Variants in DAB1 observed in about 807,000 individuals in gnomAD.
DAB1 encodes DAB adaptor protein 1, also known as disabled homolog 1.
In DAB1, 15 loss-of-function variants were observed where a neutral mutation model predicts 64.6. The ratio of observed to expected loss-of-function variants is 0.23; its 90% CI spans 0.16 to 0.36. DAB1 has a LOEUF of 0.36. DAB1 is among the 10% of genes least tolerant of loss of function. DAB1 has a pLI of 1.00. For synonymous variants in DAB1, 235 were observed against 251.9 expected, an observed-to-expected ratio of 0.93 and a Z score of 0.64; for missense variants, 596 against 706.7, an observed-to-expected ratio of 0.84 and a Z score of 1.78.
intron 2 of DAB1, among the ~76,000 whole-genome samples, chr1:57,278,760 G>A (rs908186266): frequency 2.0e-5 from 3 of 152,172 alleles, no homozygotes; most frequent in African/African-American, 7.2e-5. Context: ...ATTGCGCAAG[G>A]TGTTTAGAAG....
At chr1:58,300,912 T>C (rs1406257346) in intron 4 of DAB1, among the ~76,000 whole-genome samples, 1 of 151,950 alleles carries the variant, frequency 6.6e-6, no homozygotes, top group East Asian at 1.9e-4. Context: ...TGGACCTATG[T>C]TAGTGAAGAA....
At position 58,288,034 on chromosome 1, in the gene DAB1, A is replaced by AG. The variant is rs994984834; in HGVS notation, n.309+55317_309+55318insC. Among the ~76,000 whole-genome samples the AG allele has an allele frequency of 4.0e-4, 58 of 146,512 alleles. 1 individual carries two copies. Among genetic ancestry groups the AG allele is most frequent in the East Asian group, 1.7e-3 (8 of 4,782 alleles). On this transcript the variant is annotated intron_variant and non_coding_transcript_variant, in intron 4 of 20. Transcript: ENST00000485760. ...AAGACTGCCTCAAAAAAAAAAAAAAAAAAAAAAAAAAGAAAAAAAAGAGCA... is the reference window on the plus strand; with the variant it reads ...AAGACTGCCTCAAAAAAAAAAAAAAAGAAAAAAAAAAAGAAAAAAAAGAGCA...
chr1:57,047,489 C>A (rs1648660036), intron 9 of DAB1, among the ~76,000 whole-genome samples: 1 of 152,078 alleles, frequency 6.6e-6, no homozygotes, highest in Non-Finnish European at 1.5e-5. Flanking sequence ...CTCTCTTCCT[C>A]TCTCTGTTCC....
rs34001836 is a variant in DAB1 at position 57,374,981 on chromosome 1, C to A, written c.-137+48949G>T. Among the ~76,000 whole-genome samples the A allele has an allele frequency of 3.0e-3, 464 of 152,134 alleles. 3 individuals carry two copies. The highest frequency in any genetic ancestry group is 5.6e-3 in the Non-Finnish European group (383 of 68,008). On this transcript the variant is annotated intron_variant, in intron 1 of 14. Transcript: ENST00000371236. The stretch of plus-strand genomic sequence containing the variant: ...TCCTGCTATGACCTGCCATTCTGTC[C>A]CAGGATACAGGCTTCTGCCCAGTTC...
intron 1 of DAB1, among the ~76,000 whole-genome samples, chr1:57,418,650 G>C (rs1337961948): frequency 6.6e-6 from 1 of 152,072 alleles, no homozygotes; most frequent in Non-Finnish European, 1.5e-5. Flanking sequence ...CATTTTAGCT[G>C]TCATCTCTTC....
chr1:58,005,670 G>C (rs1016166861), intron 5 of DAB1, among the ~76,000 whole-genome samples: 4 of 148,094 alleles, frequency 2.7e-5, no homozygotes, highest in Non-Finnish European at 5.9e-5. Flanking sequence ...TACTGAACAA[G>C]ACATAAATAG....
intron 7 of DAB1, among the ~76,000 whole-genome samples, chr1:57,604,082 G>A (rs1558532716): frequency 6.6e-6 from 1 of 152,224 alleles, no homozygotes; most frequent in Admixed American, 6.5e-5. Flanking sequence ...GCTGCTTCCT[G>A]TCACCTCAAT....
At chr1:57,066,770 C>T (rs1570627729) in intron 8 of DAB1, among the ~76,000 whole-genome samples, 1 of 152,216 alleles carries the variant, frequency 6.6e-6, no homozygotes, top group Non-Finnish European at 1.5e-5. Flanking sequence ...CCTCGTTTTA[C>T]GTTTTCACAT....
intron 4 of DAB1, among the ~76,000 whole-genome samples, chr1:58,310,162 A>G (rs1662395347): frequency 6.6e-6 from 1 of 152,202 alleles, no homozygotes; most frequent in Non-Finnish European, 1.5e-5. Flanking sequence ...TCAGGAGTTT[A>G]GCATACAATT....
chr1:58,226,195 C>T (rs1659473043), intron 4 of DAB1, among the ~76,000 whole-genome samples: 1 of 152,154 alleles, frequency 6.6e-6, no homozygotes, highest in Non-Finnish European at 1.5e-5. Flanking sequence ...TATGTTGGGG[C>T]TTTCCTCAGA....
chr1:57,979,755 T>C (rs1453667309), intron 5 of DAB1, among the ~76,000 whole-genome samples: 1 of 152,128 alleles, frequency 6.6e-6, no homozygotes, highest in Non-Finnish European at 1.5e-5. Flanking sequence ...ATTTTACTCA[T>C]CTGTAAAATG....
At chr1:57,727,679 TTCTC>T (rs1455443387) in intron 6 of DAB1, among the ~76,000 whole-genome samples, 1 of 144,360 alleles carries the variant, frequency 6.9e-6, no homozygotes, top group Admixed American at 7.0e-5. Context: ...TCTTTCTCCT[TTCTC>T]TCTTTTTCTC....
At chr1:57,939,173 T>G (rs879330169) in intron 5 of DAB1, among the ~76,000 whole-genome samples, 2 of 152,114 alleles carry the variant, frequency 1.3e-5, no homozygotes, top group Non-Finnish European at 2.9e-5. Flanking sequence ...TTCTCTCATA[T>G]TCTCACATGG....
intron 7 of DAB1, among the ~76,000 whole-genome samples, chr1:57,502,334 A>G (rs924390252): frequency 1.3e-5 from 2 of 151,098 alleles, no homozygotes; most frequent in Non-Finnish European, 3.0e-5. Context: ...AAAAAAAAAA[A>G]AAAAGAAAGA....
At position 57,010,787 on chromosome 1, in the gene DAB1, C is replaced by A; in HGVS notation, c.1576G>T (p.Asp526Tyr). 1.3e-6 allele frequency: 2 copies of A among 1,556,412 alleles called. No individual in the cohort carries two copies. Among genetic ancestry groups the A allele is most frequent in the Non-Finnish European group, 1.7e-6 (2 of 1,151,332 alleles). Reference sequence around the variant, plus strand: ...CTGTTGGATGAGGCCTGTGATCCATCAGGCTAGAACACAAGAAGATAATAC... The same window carrying A: ...CTGTTGGATGAGGCCTGTGATCCATAAGGCTAGAACACAAGAAGATAATAC... ...PSKSEEQEAP[D>Y]GSQASSNSDP... Residue 526 changes from aspartate to tyrosine, a missense_variant, in exon 14 of 15, where the codon GAT (aspartate) becomes TAT (tyrosine). Asp to Tyr is a radical substitution (Grantham distance 160). This residue lies in a region of DAB1 where 377 missense variants were observed against 400.4 expected (regional missense o/e 0.94). Transcript: ENST00000371236.
chr1:57,358,206 T>C (rs1679277875), intron 1 of DAB1, among the ~76,000 whole-genome samples: 1 of 152,072 alleles, frequency 6.6e-6, no homozygotes, highest in African/African-American at 2.4e-5. Flanking sequence ...GTGGTGAAAG[T>C]GGGCATTCTT....
intron 6 of DAB1, among the ~76,000 whole-genome samples, chr1:57,730,392 T>C (rs1303978843): frequency 6.6e-6 from 1 of 152,188 alleles, no homozygotes; most frequent in East Asian, 1.9e-4. Context: ...AAATCTCCCA[T>C]TAAATCTCCT....
chr1:57,948,682 C>A (rs1645220175), intron 5 of DAB1, among the ~76,000 whole-genome samples: 1 of 152,216 alleles, frequency 6.6e-6, no homozygotes, highest in South Asian at 2.1e-4. Flanking sequence ...TGATGAGATT[C>A]AGTTCTGAAT....
intron 7 of DAB1, among the ~76,000 whole-genome samples, chr1:57,489,054 A>G (rs1039398531): frequency 3.3e-5 from 5 of 152,218 alleles, no homozygotes; most frequent in African/African-American, 1.2e-4. Flanking sequence ...TTTGGAATCA[A>G]TCTGGGCAAA....
Sources: allele counts gnomAD v4.1 joint callset (sites outside exome capture counted in the v4.1 genomes callset), GRCh38; gene constraint gnomAD v4.1.1; regional missense constraint gnomAD v4.1.1; transcripts MANE v1.5; gene names NCBI Gene and HGNC (gene_info 2026-07-23, HGNC 2026-07-21).